Variants in CSMD1 observed in about 807,000 individuals in gnomAD.
CSMD1 encodes CUB and sushi domain-containing protein 1.
A neutral mutation model predicts 417.5 loss-of-function variants in CSMD1; 213 were observed. The observed-to-expected ratio is 0.51, with a 90% CI of 0.46 to 0.57. CSMD1 has a LOEUF of 0.57. CSMD1 is among the 20% of genes least tolerant of loss of function. The pLI is 0.00. For synonymous variants in CSMD1, 2,862 were observed against 1,736.8 expected, an observed-to-expected ratio of 1.65 and a Z score of -16.11; for missense variants, 6,923 against 4,529.7, an observed-to-expected ratio of 1.53 and a Z score of -15.17.
At chr8:4,964,124 T>C (rs896886353) in intron 1 of CSMD1, among the ~76,000 whole-genome samples, 4 of 152,098 alleles carry the variant, frequency 2.6e-5, no homozygotes, top group Non-Finnish European at 5.9e-5. Context: ...ACTATCTTCA[T>C]TTTTATCTTC....
At chr8:4,843,387 AC>A in intron 1 of CSMD1, among the ~76,000 whole-genome samples, 1 of 152,276 alleles carries the variant, frequency 6.6e-6, no homozygotes. Context: ...GACCTTAAGA[AC>A]CCTTCATTGT....
At chr8:3,775,827 C>T (rs2720758) in intron 5 of CSMD1, among the ~76,000 whole-genome samples, 151,460 of 152,326 alleles carry the variant, frequency 0.99, 75,311 homozygotes, top group Middle Eastern at 1. Flanking sequence ...CATTGCTTTC[C>T]GCCAACGCGC....
At chr8:4,564,355 A>T (rs1401455417) in intron 2 of CSMD1, among the ~76,000 whole-genome samples, 1 of 152,182 alleles carries the variant, frequency 6.6e-6, no homozygotes, top group Non-Finnish European at 1.5e-5. Context: ...CTATAAGAAA[A>T]ATAACATAGA....
chr8:4,970,098 A>T (rs1205801562), intron 1 of CSMD1, among the ~76,000 whole-genome samples: 1 of 152,124 alleles, frequency 6.6e-6, no homozygotes, highest in Admixed American at 6.6e-5. Flanking sequence ...TAAAAATAAT[A>T]TATAAAGTAA....
intron 12 of CSMD1, among the ~76,000 whole-genome samples, chr8:3,426,560 G>T (rs775119218): frequency 7.2e-5 from 11 of 152,028 alleles, no homozygotes; most frequent in Admixed American, 2.6e-4. Context: ...TTAAACACCA[G>T]GACAGATGAA....
chr8:4,900,055 C>T (rs1191995791), intron 1 of CSMD1, among the ~76,000 whole-genome samples: 2 of 152,096 alleles, frequency 1.3e-5, no homozygotes, highest in Non-Finnish European at 2.9e-5. Flanking sequence ...TTTGCATTTC[C>T]TCCTCCATCT....
chr8:4,540,773 G>A lies in CSMD1; in HGVS notation c.302+96569C>T, dbSNP rs148125285. 2.1e-3 allele frequency among the ~76,000 whole-genome samples: 323 copies of A among 152,054 alleles called. 2 individuals carry two copies. The highest frequency in any genetic ancestry group is 3.1e-3 in the Non-Finnish European group (213 of 67,994). ...GCTGTCCACTTACCTTAATCATCCC[G>A]GACCAGTGAGGTACCTTCTGTTATT... On this transcript the variant is annotated intron_variant, in intron 2 of 69. Coordinates refer to ENST00000635120, the MANE Select transcript of CSMD1 (RefSeq NM_033225.6).
intron 3 of CSMD1, among the ~76,000 whole-genome samples, chr8:4,070,727 G>A (rs769629955): frequency 6.6e-6 from 1 of 152,030 alleles, no homozygotes; most frequent in Non-Finnish European, 1.5e-5. Flanking sequence ...CATGAAGCCC[G>A]AGCAACCATC....
intron 12 of CSMD1, among the ~76,000 whole-genome samples, chr8:3,414,186 C>A (rs1054430571): frequency 2.1e-5 from 1 of 48,554 alleles, no homozygotes; most frequent in East Asian, 6.7e-4. Context: ...GATTTGGTAT[C>A]AATTCAAAGA....
intron 3 of CSMD1, among the ~76,000 whole-genome samples, chr8:4,044,162 T>C (rs999065325): frequency 2.8e-4 from 42 of 152,062 alleles, no homozygotes; most frequent in African/African-American, 9.4e-4. Flanking sequence ...AAGATGAGAG[T>C]TGGGGTGGAC....
chr8:4,199,851 T>C (rs578005014), intron 3 of CSMD1, among the ~76,000 whole-genome samples: 6 of 152,302 alleles, frequency 3.9e-5, no homozygotes, highest in African/African-American at 1.4e-4. Context: ...AAACTCTTCC[T>C]TTACAAGGGC....
chr8:3,931,620 A>G (rs1275310720), intron 5 of CSMD1, among the ~76,000 whole-genome samples: 7 of 149,954 alleles, frequency 4.7e-5, no homozygotes, highest in African/African-American at 1.7e-4. Flanking sequence ...AGAGTTAGAG[A>G]CAGAGAAAAG....
At chr8:3,320,783 C>G (rs761450001) in intron 23 of CSMD1, among the ~76,000 whole-genome samples, 1 of 152,188 alleles carries the variant, frequency 6.6e-6, no homozygotes, top group Non-Finnish European at 1.5e-5. Context: ...GGGCTTATTC[C>G]TGAGGCATTA....
At chr8:4,901,858 C>CAT (rs139024506) in intron 1 of CSMD1, among the ~76,000 whole-genome samples, 10,126 of 151,964 alleles carry the variant, frequency 0.067, 869 homozygotes, top group African/African-American at 0.2. Flanking sequence ...ATGATGATGA[C>CAT]ATATATATAC....
chr8:4,207,754 A>T (rs556446354), intron 3 of CSMD1, among the ~76,000 whole-genome samples: 1 of 152,072 alleles, frequency 6.6e-6, no homozygotes, highest in African/African-American at 2.4e-5. Context: ...TAACATTTCG[A>T]TAATCTACTA....
intron 3 of CSMD1, among the ~76,000 whole-genome samples, chr8:4,147,731 A>G (rs1167075368): frequency 2.0e-5 from 3 of 152,122 alleles, no homozygotes; most frequent in African/African-American, 7.2e-5. Context: ...ACTGAAGCTC[A>G]CCTAGGTTAA....
chr8:4,486,434 A>G (rs980373257), intron 2 of CSMD1, among the ~76,000 whole-genome samples: 5 of 151,190 alleles, frequency 3.3e-5, no homozygotes, highest in African/African-American at 1.2e-4. Flanking sequence ...ATTATAATAT[A>G]GTTGTGAACT....
chr8:4,895,123 C>T (rs1804391095), intron 1 of CSMD1, among the ~76,000 whole-genome samples: 1 of 152,148 alleles, frequency 6.6e-6, no homozygotes, highest in African/African-American at 2.4e-5. Context: ...AGTTTTCACT[C>T]AAAAATACAT....
chr8:4,511,564 G>T (rs548293510), intron 2 of CSMD1, among the ~76,000 whole-genome samples: 2 of 152,170 alleles, frequency 1.3e-5, no homozygotes, highest in African/African-American at 4.8e-5. Flanking sequence ...ATCATTCAGA[G>T]AGGTGGGGGT....
Sources: gnomAD v4.1 joint callset for allele counts (sites outside exome capture counted in the v4.1 genomes callset) on GRCh38, gnomAD v4.1.1 for gene constraint, MANE v1.5 for transcripts, NCBI Gene and HGNC (gene_info 2026-07-23, HGNC 2026-07-21) for gene names.